REEP3: variants seen among roughly 807,000 people sequenced by gnomAD.
REEP3 encodes receptor accessory protein 3.
Under a neutral mutation model 41.3 loss-of-function variants are expected in REEP3, and 20 were observed. The ratio of observed to expected loss-of-function variants is 0.48; its 90% CI spans 0.34 to 0.70. The LOEUF is 0.70. REEP3 is among the 30% of genes least tolerant of loss of function. The probability of loss-of-function intolerance (pLI) is 0.01; values close to 1 mark genes in which losing one functional copy is unlikely to be tolerated. For missense variants in REEP3, 271 were observed against 308.8 expected (o/e 0.88, Z 0.92); for synonymous variants, 104 against 101.8 (o/e 1.02, Z -0.13).
intron 5 of REEP3, among the ~76,000 whole-genome samples, chr10:63,604,669 G>A (rs1956207149): frequency 6.6e-6 from 1 of 152,072 alleles, no homozygotes. Context: ...AGGGAAGAAT[G>A]TTTGTCCAGA....
intron 1 of REEP3, among the ~76,000 whole-genome samples, chr10:63,550,697 C>T (rs545555519): frequency 2.6e-5 from 4 of 152,238 alleles, no homozygotes; most frequent in African/African-American, 9.6e-5. Context: ...GAAGAGTTGG[C>T]ATTCCTCCTT....
Position 63,554,294 on chromosome 10 carries a change from A to G in REEP3, c.33-12044A>G, listed in dbSNP as rs77446343. Among the ~76,000 whole-genome samples the G allele has an allele frequency of 3.7e-3, 569 of 152,276 alleles. 6 individuals are homozygous for G. Among genetic ancestry groups the G allele is most frequent in the African/African-American group, 0.013 (547 of 41,538 alleles). Reference sequence around the variant, plus strand: ...TGAGTAATCATTTGATAGGAATTAAAGGGTGTGATGATTGTTGATTAAAGA... The same window carrying G: ...TGAGTAATCATTTGATAGGAATTAAGGGGTGTGATGATTGTTGATTAAAGA... On this transcript the variant is annotated intron_variant, in intron 1 of 7. Coordinates refer to ENST00000373758, the MANE Select transcript of REEP3 (RefSeq NM_001001330.3).
At position 63,521,453 on chromosome 10, in the gene REEP3, G is replaced by A. The variant is rs1955235942; in HGVS notation, c.-93G>A. The A allele has an allele frequency of 1.3e-6, 1 of 754,064 alleles. No individual in the cohort carries two copies. Among genetic ancestry groups the A allele is most frequent in the Middle Eastern group, 4.9e-4 (1 of 2,052 alleles). 46.7% of individuals were successfully genotyped at this position (754,064 alleles called of 1,614,324 possible). On this transcript the variant is annotated 5_prime_UTR_variant, in exon 1 of 8. Transcript: ENST00000373758. ...CCAGCGCGGCCCCGGGGAGCGCGAG[G>A]AGCCGGCGAAGCGCGCGGCCTGCCG...
intron 1 of REEP3, chr10:63,563,107 C>A: frequency 2.4e-6 from 1 of 416,966 alleles, no homozygotes; most frequent in South Asian, 1.7e-5. Context: ...AATCTGCCAA[C>A]GTTTTGGTCT....
intron 1 of REEP3, among the ~76,000 whole-genome samples, chr10:63,524,768 G>A (rs531165540): frequency 5.3e-5 from 8 of 152,242 alleles, no homozygotes; most frequent in African/African-American, 1.2e-4. Flanking sequence ...TTACAGCTGC[G>A]TGGTCTTGGG....
chr10:63,596,984 G>T (rs563246301), intron 3 of REEP3, among the ~76,000 whole-genome samples: 1 of 152,306 alleles, frequency 6.6e-6, no homozygotes, highest in South Asian at 2.1e-4. Flanking sequence ...CATGCCAGAA[G>T]GCAAAAGCTT....
At chr10:63,602,717 A>G (rs940188145) in intron 5 of REEP3, among the ~76,000 whole-genome samples, 1 of 151,884 alleles carries the variant, frequency 6.6e-6, no homozygotes, top group Non-Finnish European at 1.5e-5. Context: ...TGTGTTTACT[A>G]CTCCCACGTA....
At chr10:63,521,670 C>A in intron 1 of REEP3, 93 bp downstream of exon 1, 1 of 964,446 alleles carries the variant, frequency 1.0e-6, no homozygotes, top group Non-Finnish European at 1.4e-6. Flanking sequence ...AGGCCTGGGC[C>A]TGGGCGGGGA....
At chr10:63,603,893 A>G (rs909268158) in intron 5 of REEP3, among the ~76,000 whole-genome samples, 1 of 152,246 alleles carries the variant, frequency 6.6e-6, no homozygotes, top group Admixed American at 6.5e-5. Flanking sequence ...GGGCATTGTC[A>G]TAGAAGAATC....
At chr10:63,540,021 G>A (rs546023406) in intron 1 of REEP3, among the ~76,000 whole-genome samples, 7 of 152,262 alleles carry the variant, frequency 4.6e-5, no homozygotes, top group Middle Eastern at 3.4e-3. Context: ...TTCTCAGTTC[G>A]ATTTTCAGTG....
chr10:63,608,991 A>T (rs975377326), intron 5 of REEP3, among the ~76,000 whole-genome samples: 1 of 152,230 alleles, frequency 6.6e-6, no homozygotes, highest in Admixed American at 6.5e-5. Flanking sequence ...TTAAAGTCAA[A>T]TGTAGAGTAG....
chr10:63,525,425 T>G (rs1955352821), intron 1 of REEP3, among the ~76,000 whole-genome samples: 1 of 152,016 alleles, frequency 6.6e-6, no homozygotes, highest in Non-Finnish European at 1.5e-5. Context: ...TTAGTTACTT[T>G]TTTTTTTTTT....
intron 1 of REEP3, among the ~76,000 whole-genome samples, chr10:63,546,328 T>G (rs1955578204): frequency 6.6e-6 from 1 of 152,226 alleles, no homozygotes; most frequent in Non-Finnish European, 1.5e-5. Flanking sequence ...TGGACCAGGC[T>G]GGTAGCAGTG....
intron 1 of REEP3, among the ~76,000 whole-genome samples, chr10:63,556,027 A>C (rs920830383): frequency 1.3e-5 from 2 of 152,188 alleles, no homozygotes; most frequent in Non-Finnish European, 2.9e-5. Context: ...TTCCTAAGAA[A>C]CATTTCCTCT....
In REEP3 at chr10:63,619,652, T is replaced by A; in HGVS notation, c.566-3T>A. On this transcript the variant is annotated splice_region_variant and splice_polypyrimidine_tract_variant and intron_variant, in intron 6 of 7. Coordinates refer to ENST00000373758, the MANE Select transcript of REEP3 (RefSeq NM_001001330.3). ...AACATGCTGTTTTTGACAACTTGTT[T>A]AGGTTATGGAATTCCACTGAAAGAC... The A allele has an allele frequency of 6.3e-7, 1 of 1,596,800 alleles. No homozygotes were observed. The highest frequency in any genetic ancestry group is 1.1e-5 in the South Asian group (1 of 88,136).
At chr10:63,580,807 C>T (rs1053329767) in intron 2 of REEP3, among the ~76,000 whole-genome samples, 1 of 151,954 alleles carries the variant, frequency 6.6e-6, no homozygotes, top group Non-Finnish European at 1.5e-5. Flanking sequence ...TCATTTGAGC[C>T]CAGCAGACCA....
chr10:63,604,429 T>C (rs923892634), intron 5 of REEP3, among the ~76,000 whole-genome samples: 1 of 152,240 alleles, frequency 6.6e-6, no homozygotes, highest in African/African-American at 2.4e-5. Context: ...GTTAGTTGTA[T>C]TAACCATGTC....
At chr10:63,602,971 C>A (rs527396622) in intron 5 of REEP3, among the ~76,000 whole-genome samples, 2 of 152,156 alleles carry the variant, frequency 1.3e-5, no homozygotes, top group African/African-American at 4.8e-5. Context: ...GAATAGCCCA[C>A]AAAAATTTTA....
intron 2 of REEP3, among the ~76,000 whole-genome samples, chr10:63,571,833 C>T (rs1280440597): frequency 5.9e-5 from 9 of 152,144 alleles, no homozygotes; most frequent in Non-Finnish European, 1.2e-4. Flanking sequence ...TACCTGGAGT[C>T]ACATGGATTG....
Sources: gnomAD v4.1 joint callset for allele counts (sites outside exome capture counted in the v4.1 genomes callset) on GRCh38, gnomAD v4.1.1 for gene constraint, MANE v1.5 for transcripts, NCBI Gene and HGNC (gene_info 2026-07-23, HGNC 2026-07-21) for gene names.